Variants in DPP10 observed in about 807,000 individuals in gnomAD.
DPP10 encodes dipeptidyl peptidase like 10, also known as inactive dipeptidyl peptidase 10.
Under a neutral mutation model 120.9 loss-of-function variants are expected in DPP10, and 33 were observed. That is an observed-to-expected ratio of 0.27 (90% CI 0.21 to 0.37). The LOEUF (loss-of-function observed/expected upper bound fraction) is 0.37. DPP10 is among the 10% of genes least tolerant of loss of function. The probability of loss-of-function intolerance (pLI) is 1.00; values close to 1 mark genes in which losing one functional copy is unlikely to be tolerated. For synonymous variants in DPP10, 337 were observed against 326.1 expected (o/e 1.03, Z -0.36); for missense variants, 816 against 942.8 (o/e 0.87, Z 1.76).
chr2:115,636,293 A>T (rs2086327497), intron 5 of DPP10, among the ~76,000 whole-genome samples: 1 of 152,222 alleles, frequency 6.6e-6, no homozygotes, highest in Non-Finnish European at 1.5e-5. Context: ...ATTTTAAATT[A>T]GATAAGACTA....
At chr2:115,009,473 A>C (rs1702103529) in intron 1 of DPP10, among the ~76,000 whole-genome samples, 2 of 152,044 alleles carry the variant, frequency 1.3e-5, no homozygotes, top group African/African-American at 4.8e-5. Context: ...GATATACCTA[A>C]TGCTAGATGA....
At chr2:115,100,778 C>T in intron 1 of DPP10, among the ~76,000 whole-genome samples, 1 of 152,066 alleles carries the variant, frequency 6.6e-6, no homozygotes, top group East Asian at 1.9e-4. Context: ...ATGATCATTC[C>T]CATAGATCCA....
intron 4 of DPP10, among the ~76,000 whole-genome samples, chr2:115,511,722 CTTCTTCTTCTTTTT>C (rs2077234924): frequency 2.4e-5 from 3 of 122,974 alleles, no homozygotes; most frequent in African/African-American, 1.0e-4. Context: ...TCTTCTTCTT[CTTCTTCTTCTTTTT>C]TTTTTTTTTG....
intron 1 of DPP10, among the ~76,000 whole-genome samples, chr2:114,786,453 AT>A (rs1279881883): frequency 6.6e-6 from 1 of 152,204 alleles, no homozygotes; most frequent in African/African-American, 2.4e-5. Context: ...ATGGTGAGGC[AT>A]TTTGAAATGG....
At chr2:115,774,206 A>T (rs917182740) in intron 13 of DPP10, among the ~76,000 whole-genome samples, 2 of 59,878 alleles carry the variant, frequency 3.3e-5, no homozygotes, top group Non-Finnish European at 8.3e-5. Flanking sequence ...TTTAAAACAC[A>T]CATACACACA....
At chr2:115,285,583 A>T (rs972407542) in intron 1 of DPP10, among the ~76,000 whole-genome samples, 1 of 152,106 alleles carries the variant, frequency 6.6e-6, no homozygotes, top group East Asian at 1.9e-4. Context: ...GCATGTAAGC[A>T]GTACCACACT....
intron 1 of DPP10, among the ~76,000 whole-genome samples, chr2:114,467,916 C>T (rs1209235678): frequency 2.6e-5 from 4 of 152,006 alleles, no homozygotes; most frequent in South Asian, 2.1e-4. Context: ...CTACTTGAGA[C>T]GCTGAGGTGG....
At chr2:114,943,806 A>G (rs1170151129) in intron 1 of DPP10, among the ~76,000 whole-genome samples, 1 of 152,218 alleles carries the variant, frequency 6.6e-6, no homozygotes, top group Non-Finnish European at 1.5e-5. Flanking sequence ...TCTAAAGAAA[A>G]CCATCATTAA....
chr2:114,939,360 C>T (rs1443710267), intron 1 of DPP10, among the ~76,000 whole-genome samples: 2 of 152,012 alleles, frequency 1.3e-5, no homozygotes, highest in African/African-American at 4.8e-5. Context: ...AACTATTTCG[C>T]TAAGTTGTGT....
chr2:114,630,130 TTC>T (rs1246255338), intron 1 of DPP10, among the ~76,000 whole-genome samples: 11 of 152,188 alleles, frequency 7.2e-5, no homozygotes, highest in Admixed American at 4.6e-4. Context: ...TGATCGTTTT[TTC>T]TCTCTCTAGT....
intron 1 of DPP10, among the ~76,000 whole-genome samples, chr2:114,976,373 G>T (rs1699759121): frequency 6.6e-6 from 1 of 151,978 alleles, no homozygotes; most frequent in Non-Finnish European, 1.5e-5. Context: ...TTCTACCATG[G>T]TATCTCCATT....
intron 3 of DPP10, among the ~76,000 whole-genome samples, chr2:115,379,671 C>T (rs1158097107): frequency 6.6e-6 from 1 of 152,044 alleles, no homozygotes; most frequent in Non-Finnish European, 1.5e-5. Context: ...ATCTTTCCTG[C>T]TTTGTCTTGT....
chr2:115,814,580 T>C (rs1687014119), intron 19 of DPP10: 2 of 367,972 alleles, frequency 5.4e-6, no homozygotes, highest in Non-Finnish European at 9.6e-6. Flanking sequence ...TTCATTTCAT[T>C]CAGGGAACTT....
At chr2:114,571,819 T>C (rs1689671276) in intron 1 of DPP10, among the ~76,000 whole-genome samples, 1 of 148,908 alleles carries the variant, frequency 6.7e-6, no homozygotes, top group African/African-American at 2.5e-5. Flanking sequence ...ATTGTGTATA[T>C]ATTCTGTATA....
intron 3 of DPP10, among the ~76,000 whole-genome samples, chr2:115,489,642 C>A: frequency 6.8e-6 from 1 of 147,864 alleles, no homozygotes. Context: ...TAAGCTGGTA[C>A]AATTTGACTT....
chr2:115,840,415 C>T lies in DPP10; in HGVS notation c.2183-335C>T, dbSNP rs554905000. Among the ~76,000 whole-genome samples, 134 of 148,970 alleles carry T rather than the reference C, an allele frequency of 9.0e-4. 2 individuals are homozygous for T. The highest frequency in any genetic ancestry group is 6.9e-3 in the Middle Eastern group (2 of 290). ...CTCTGCTCACTGCAAGCTCCCCACT[C>T]CCGGGTTCACGCCATTCTCCTGCCT... is the stretch of plus-strand genomic sequence containing the variant. On this transcript the variant is annotated intron_variant, in intron 24 of 25. Coordinates refer to ENST00000410059, the MANE Select transcript of DPP10 (RefSeq NM_020868.6).
At chr2:114,677,007 G>A (rs547758541) in intron 1 of DPP10, among the ~76,000 whole-genome samples, 8 of 152,162 alleles carry the variant, frequency 5.3e-5, no homozygotes, top group South Asian at 2.1e-4. Context: ...GCCCAAGTCC[G>A]CATCATTTGA....
chr2:115,470,729 T>C lies in DPP10; in HGVS notation c.272-28781T>C, dbSNP rs899241289. ...TCTATATTGCTTGTTCTTTTCAAAA[T>C]TTGGTTTTCTATCCCCTTCTCCCCC... On this transcript the variant is annotated intron_variant, in intron 3 of 25. Coordinates refer to ENST00000410059, the MANE Select transcript of DPP10 (RefSeq NM_020868.6). 3.3e-5 allele frequency among the ~76,000 whole-genome samples: 5 copies of C among 152,174 alleles called. No individual in the cohort carries two copies. The East Asian group carries it at 9.7e-4, about 29-fold the overall frequency.
intron 1 of DPP10, among the ~76,000 whole-genome samples, chr2:114,514,604 A>G (rs538838968): frequency 3.9e-5 from 6 of 152,144 alleles, no homozygotes; most frequent in Non-Finnish European, 5.9e-5. Context: ...CTGTTTCAAT[A>G]CCAAAGATTT....
Sources: gnomAD v4.1 joint callset for allele counts (sites outside exome capture counted in the v4.1 genomes callset) on GRCh38, gnomAD v4.1.1 for gene constraint, MANE v1.5 for transcripts, NCBI Gene and HGNC (gene_info 2026-07-23, HGNC 2026-07-21) for gene names.